GGCX: variants seen among roughly 807,000 people sequenced by gnomAD.
The protein encoded by GGCX is gamma-glutamyl carboxylase.
In GGCX, 63 loss-of-function variants were observed where a neutral mutation model predicts 88.5. The observed-to-expected ratio is 0.71, with a 90% CI of 0.58 to 0.88. The LOEUF (loss-of-function observed/expected upper bound fraction) is 0.88, where lower values mean the gene tolerates loss of function less well. GGCX is among the 40% of genes least tolerant of loss of function. The pLI, the probability that GGCX is intolerant of heterozygous loss-of-function variation, is 0.00. For synonymous variants in GGCX, 368 were observed against 365.8 expected (o/e 1.01, Z -0.07); for missense variants, 805 against 932.9 (o/e 0.86, Z 1.79).
rs1692456098 is a variant in GGCX at position 85,561,408 on chromosome 2, G to C, written c.21C>G (p.Ser7=). ...TACCTGAGCTGGGCGAGGTCCGCGC[G>C]GACCCGGCAGACACCGCCATTGCTC... The part of the protein sequence containing the change: MAVSAG[S]ARTSPSSDKV... Residue 7 remains serine, a synonymous_variant, in exon 1 of 15, where the codon TCC becomes TCG. Coordinates refer to ENST00000233838, the MANE Select transcript of GGCX (RefSeq NM_000821.7). 1 of 1,573,024 alleles carries C rather than the reference G, an allele frequency of 6.4e-7. No individual in the cohort carries two copies. The highest frequency in any genetic ancestry group is 1.2e-5 in the South Asian group (1 of 85,696).
chr2:85,561,447 G>T lies in GGCX; in HGVS notation c.-19C>A. The T allele has an allele frequency of 6.4e-7, 1 of 1,562,586 alleles. No homozygotes were observed. The highest frequency in any genetic ancestry group is 8.7e-7 in the Non-Finnish European group (1 of 1,151,702). ...CCGCCATTGCTCTGCGGAGGAGGCA[G>T]GTGGGTCACAGCTGCCGCGTCTGAA... On this transcript the variant is annotated 5_prime_UTR_variant, in exon 1 of 15. It adds an upstream start codon to the 5' untranslated region. Transcript: ENST00000233838.
rs1249637748 is a variant in GGCX, at chr2:85,548,502, T to C, written c.*1432A>G. ...GGAAATCCTGGAGTAGACACAATCA[T>C]CTGAAGTATGTATACTGAAAAAGCA... On this transcript the variant is annotated 3_prime_UTR_variant, in exon 15 of 15. Coordinates refer to ENST00000233838, the MANE Select transcript of GGCX (RefSeq NM_000821.7). The C allele has an allele frequency of 6.6e-6, 1 of 152,112 alleles. No homozygotes were observed. The highest frequency in any genetic ancestry group is 1.5e-5 in the Non-Finnish European group (1 of 68,042). The allele number at this position is 152,112 out of a possible 1,614,324, so 9.4% of individuals were successfully genotyped here. A position where few individuals can be genotyped will look rare whatever the true frequency, so the allele number is the denominator to read the frequency against.
intron 8 of GGCX, 77 bp downstream of exon 8, chr2:85,553,155 C>T: frequency 6.2e-7 from 1 of 1,611,748 alleles, no homozygotes; most frequent in East Asian, 2.2e-5. Context: ...CAAAACCAGC[C>T]CCATTCTTTC....
At position 85,546,598 on chromosome 2, in the gene GGCX, T is replaced by C. The variant is rs1691677606; in HGVS notation, c.*3336A>G. The stretch of plus-strand genomic sequence containing the variant: ...GGTGGCAGGTGCTTGTAATCCCAGC[T>C]ACTCAGGAGGCTGGAGAATCACTTG... On this transcript the variant is annotated 3_prime_UTR_variant, in exon 15 of 15. Transcript: ENST00000233838. 6.6e-6 allele frequency: 1 copy of C among 152,140 alleles called. No individual in the cohort carries two copies. The highest frequency in any genetic ancestry group is 1.5e-5 in the Non-Finnish European group (1 of 68,068). The allele number at this position is 152,140 out of a possible 1,614,324, so 9.4% of individuals were successfully genotyped here.
In GGCX at chr2:85,558,247, C is replaced by T. The variant is rs1692285690; in HGVS notation, c.539+193G>A. On this transcript the variant is annotated intron_variant, in intron 4 of 14. Transcript: ENST00000233838. Reference sequence around the variant, plus strand: ...AAAGACTGAAGGGGTGGGATGGAGCCATTTTGCTTTGTGTCATCCCAAGCG... The same window carrying T: ...AAAGACTGAAGGGGTGGGATGGAGCTATTTTGCTTTGTGTCATCCCAAGCG... Among the ~76,000 whole-genome samples, 3 of 152,168 alleles carry T rather than the reference C, an allele frequency of 2.0e-5. No individual in the cohort carries two copies. The South Asian group carries it at 6.2e-4, about 32-fold the overall frequency.
In GGCX at chr2:85,550,092, T is replaced by G. The variant is rs755087978; in HGVS notation, c.2119A>C (p.Ile707Leu). The stretch of plus-strand genomic sequence containing the variant: ...TGCTCCAGGGAAGGACGGCCTAATA[T>G]CAGATTTCGAAGTGAGATACAAGTC... ...LMTCISLRNL[I>L]LGRPSLEQLA... The change falls in exon 15 of 15, where the codon ATA becomes CTA. Residue 707 changes from isoleucine (I) to leucine (L), a missense_variant. Coordinates refer to ENST00000233838, the MANE Select transcript of GGCX (RefSeq NM_000821.7). The G allele has an allele frequency of 1.2e-5, 20 of 1,613,668 alleles. No individual in the cohort carries two copies. Among genetic ancestry groups the G allele is most frequent in the African/African-American group, 2.7e-5 (2 of 74,874 alleles).
intron 9 of GGCX, 144 bp downstream of exon 9, chr2:85,552,795 T>C: frequency 4.1e-6 from 4 of 975,312 alleles, no homozygotes; most frequent in Non-Finnish European, 6.7e-6. Flanking sequence ...TCAACCCACA[T>C]AAAAGATAGT....
chr2:85,554,080 CTCTGGCTA>C (rs1156560340), intron 7 of GGCX, 55 bp downstream of exon 7: 1 of 1,321,720 alleles, frequency 7.6e-7, no homozygotes. Context: ...CAAACAATGC[CTCTGGCTA>C]GTCCCTTCCT....
At chr2:85,558,697 A>G in intron 3 of GGCX, 92 bp from the exon 4 acceptor site, 2 of 1,057,564 alleles carry the variant, frequency 1.9e-6, no homozygotes, top group East Asian at 4.7e-5. Flanking sequence ...AAGAAAAATC[A>G]AGCATTGTAT....
chr2:85,558,436 A>T lies in GGCX; in HGVS notation c.539+4T>A, dbSNP rs773700683. 1.2e-6 allele frequency: 2 copies of T among 1,613,068 alleles called. No individual in the cohort carries two copies. On this transcript the variant is annotated splice_donor_region_variant and intron_variant, in intron 4 of 14. Coordinates refer to ENST00000233838, the MANE Select transcript of GGCX (RefSeq NM_000821.7). The stretch of plus-strand genomic sequence containing the variant: ...CCCTCCCCTTTGTCCCCCCTGACTC[A>T]TACCAGTAGTGGTTTGCATCCATGA...
rs528677951 is a variant in GGCX, at chr2:85,550,003, G to C, written c.2208C>G (p.Pro736=). The part of the protein sequence containing the change: ...RPFEAVGELN[P]SNTDSSHSNP... ...TAGAATGTGAAGAATCCGTGTTTGA[G>C]GGATTCAGTTCTCCAACTGCCTCAA... The change falls in exon 15 of 15, where the codon CCC becomes CCG. Residue 736 remains proline (P), a synonymous_variant. Coordinates refer to ENST00000233838, the MANE Select transcript of GGCX (RefSeq NM_000821.7). The C allele has an allele frequency of 5.6e-6, 9 of 1,612,762 alleles. No individual in the cohort carries two copies. Among genetic ancestry groups the C allele is most frequent in the Non-Finnish European group, 7.6e-6 (9 of 1,179,004 alleles).
rs1691670575 is a variant in GGCX, at chr2:85,546,430, T to G, written c.*3504A>C. 1.3e-5 allele frequency: 2 copies of G among 150,512 alleles called. No individual in the cohort carries two copies. The highest frequency in any genetic ancestry group is 3.0e-5 in the Non-Finnish European group (2 of 67,772). The allele number at this position is 150,512 out of a possible 1,614,324, so 9.3% of individuals were successfully genotyped here. A position where few individuals can be genotyped will look rare whatever the true frequency, so the allele number is the denominator to read the frequency against. On this transcript the variant is annotated 3_prime_UTR_variant, in exon 15 of 15. Transcript: ENST00000233838. ...AGAGTGAGACTTAAAAAAAAAGCCG[T>G]GGAAATCTGGGTATGGTAGCTTACA... is the stretch of plus-strand genomic sequence containing the variant.
Position 85,560,933 on chromosome 2 carries a change from G to C in GGCX, c.96C>G (p.Ser32Arg). ...CAAAACCCAAGAGTTTCCCTATTCG[G>C]CTGTCCTGCCTGGGCCCTGAGATCA... ...AELISGPRQD[S>R]RIGKLLGFEW... The change falls in exon 2 of 15, where the codon AGC becomes AGG. Residue 32 changes from serine to arginine, a missense_variant. Coordinates refer to ENST00000233838, the MANE Select transcript of GGCX (RefSeq NM_000821.7). 6.2e-7 allele frequency: 1 copy of C among 1,613,764 alleles called. No homozygotes were observed. Among genetic ancestry groups the C allele is most frequent in the Non-Finnish European group, 8.5e-7 (1 of 1,179,660 alleles).
At chr2:85,551,172 G>A (rs1460037286) in intron 12 of GGCX, 100 bp from the exon 13 acceptor site, 1 of 1,207,248 alleles carries the variant, frequency 8.3e-7, no homozygotes, top group African/African-American at 1.5e-5. Context: ...ACTCAATTGT[G>A]TTTTGGAATC....
chr2:85,550,042 T>G lies in GGCX; in HGVS notation c.2169A>C (p.Ala723=). Residue 723 remains alanine (A), a synonymous_variant, in exon 15 of 15, where the codon GCA becomes GCC. Coordinates refer to ENST00000233838, the MANE Select transcript of GGCX (RefSeq NM_000821.7). ...LEQLAQEVTY[A]NLRPFEAVGE... ...CAACTGCCTCAAAGGGTCTCAAGTT[T>G]GCATAAGTCACCTCCTGGGCCAGCT... is the stretch of plus-strand genomic sequence containing the variant. 1 of 1,613,106 alleles carries G rather than the reference T, an allele frequency of 6.2e-7. No homozygotes were observed. The highest frequency in any genetic ancestry group is 8.5e-7 in the Non-Finnish European group (1 of 1,179,114).
Position 85,549,064 on chromosome 2 carries a change from C to G in GGCX, c.*870G>C, listed in dbSNP as rs1691801818. ...TAAATTACTTTGTGTGCATTTACAA[C>G]CTGACCACCATCCAATTATACTTTT... On this transcript the variant is annotated 3_prime_UTR_variant, in exon 15 of 15. Coordinates refer to ENST00000233838, the MANE Select transcript of GGCX (RefSeq NM_000821.7). 1 of 152,204 alleles carries G rather than the reference C, an allele frequency of 6.6e-6. No individual in the cohort carries two copies. Among genetic ancestry groups the G allele is most frequent in the South Asian group, 2.1e-4 (1 of 4,830 alleles). 9.4% of individuals were successfully genotyped at this position (152,204 alleles called of 1,614,324 possible).
At chr2:85,553,606 C>G (rs181579847) in intron 7 of GGCX, 109 bp from the exon 8 acceptor site, 49 of 1,104,716 alleles carry the variant, frequency 4.4e-5, no homozygotes, top group Middle Eastern at 2.9e-4. Context: ...GAAAGTAGTT[C>G]TTCTTTTTTT....
rs1390959399 is a variant in GGCX, at chr2:85,553,505, A to G, written c.890-8T>C. 4 of 1,613,256 alleles carry G rather than the reference A, an allele frequency of 2.5e-6. No individual in the cohort carries two copies. Among genetic ancestry groups the G allele is most frequent in the Non-Finnish European group, 3.4e-6 (4 of 1,179,942 alleles). ...TGACGTAGGAGAACATACCTAGGAA[A>G]GCAGGGAGAAAATACATATTTCAGG... On this transcript the variant is annotated splice_polypyrimidine_tract_variant and splice_region_variant and intron_variant, in intron 7 of 14. Coordinates refer to ENST00000233838, the MANE Select transcript of GGCX (RefSeq NM_000821.7).
rs759504277 is a variant in GGCX at position 85,552,817 on chromosome 2, C to T, written c.1287+122G>A. ...ACATAAAAGATAGTTCAATCTGGCT[C>T]TTGAGAAAAGGCAAAGCAGACTCAA... On this transcript the variant is annotated intron_variant, in intron 9 of 14. Coordinates refer to ENST00000233838, the MANE Select transcript of GGCX (RefSeq NM_000821.7). 72 of 1,128,990 alleles carry T rather than the reference C, an allele frequency of 6.4e-5. No individual in the cohort carries two copies. In the Admixed American group the frequency reaches 7.9e-4, roughly 12 times the overall value. 69.9% of individuals were successfully genotyped at this position (1,128,990 alleles called of 1,614,324 possible).
Sources: allele counts gnomAD v4.1 joint callset (sites outside exome capture counted in the v4.1 genomes callset), GRCh38; gene constraint gnomAD v4.1.1; transcripts MANE v1.5; gene names NCBI Gene and HGNC (gene_info 2026-07-23, HGNC 2026-07-21).